GOLM2: variants seen among roughly 807,000 people sequenced by gnomAD.
GOLM2 encodes protein GOLM2.
A neutral mutation model predicts 55.9 loss-of-function variants in GOLM2; 26 were observed. The ratio of observed to expected loss-of-function variants is 0.47; its 90% CI spans 0.34 to 0.65. GOLM2 has a LOEUF of 0.65. Ranked by LOEUF, GOLM2 falls within the 30% of genes least tolerant of loss-of-function variation. The pLI is 0.01. For missense variants in GOLM2, 486 were observed against 531.8 expected (o/e 0.91, Z 0.85); for synonymous variants, 165 against 194.6 (o/e 0.85, Z 1.27).
intron 2 of GOLM2, among the ~76,000 whole-genome samples, chr15:44,327,998 A>G (rs761177876): frequency 2.0e-4 from 31 of 152,224 alleles, no homozygotes; most frequent in Non-Finnish European, 3.8e-4. Flanking sequence ...AAAATGAGAA[A>G]GAAAACTTAA....
chr15:44,378,476 G>A (rs1226414033), intron 6 of GOLM2, among the ~76,000 whole-genome samples: 1 of 150,834 alleles, frequency 6.6e-6, no homozygotes, highest in Non-Finnish European at 1.5e-5. Context: ...TTCTGTCTCA[G>A]CCTCCTAAGT....
chr15:44,380,340 G>C (rs1277995698), intron 7 of GOLM2, among the ~76,000 whole-genome samples: 1 of 152,134 alleles, frequency 6.6e-6, no homozygotes, highest in African/African-American at 2.4e-5. Flanking sequence ...GGTGGGGAAA[G>C]AGAGGTGGTA....
At chr15:44,373,767 A>C (rs2079346035) in intron 6 of GOLM2, among the ~76,000 whole-genome samples, 1 of 152,088 alleles carries the variant, frequency 6.6e-6, no homozygotes, top group South Asian at 2.1e-4. Flanking sequence ...AAAACAAAAC[A>C]AAACAAAAAA....
chr15:44,316,747 T>G (rs1226563153), intron 1 of GOLM2, among the ~76,000 whole-genome samples: 1 of 145,546 alleles, frequency 6.9e-6, no homozygotes, highest in Non-Finnish European at 1.5e-5. Context: ...AGAGTGAGAC[T>G]CTGTCTCAAA....
chr15:44,341,851 C>T (rs1006228733), intron 6 of GOLM2, among the ~76,000 whole-genome samples: 9 of 151,966 alleles, frequency 5.9e-5, no homozygotes, highest in East Asian at 1.9e-4. Flanking sequence ...CCCACCACCA[C>T]GCCCGGCTAA....
chr15:44,331,397 A>T (rs1365935946), intron 3 of GOLM2, among the ~76,000 whole-genome samples: 1 of 152,178 alleles, frequency 6.6e-6, no homozygotes, highest in African/African-American at 2.4e-5. Flanking sequence ...TTCTTTTTGC[A>T]TGATTGGTGT....
chr15:44,373,469 GT>G (rs1462224095), intron 6 of GOLM2, among the ~76,000 whole-genome samples: 1 of 132,734 alleles, frequency 7.5e-6, no homozygotes, highest in Non-Finnish European at 1.6e-5. Flanking sequence ...AAAAAAAACA[GT>G]TTTGGCAGGG....
chr15:44,383,016 T>A (rs931714543), intron 8 of GOLM2, among the ~76,000 whole-genome samples: 1 of 151,294 alleles, frequency 6.6e-6, no homozygotes, highest in African/African-American at 2.4e-5. Flanking sequence ...AGAGTTGAAA[T>A]CAATGCATGC....
At chr15:44,351,537 G>A (rs1289088877) in intron 6 of GOLM2, among the ~76,000 whole-genome samples, 13 of 134,196 alleles carry the variant, frequency 9.7e-5, no homozygotes, top group Admixed American at 1.7e-4. Context: ...AGATTGCGCC[G>A]CTACACTCCA....
chr15:44,357,292 TA>T (rs559719807), intron 6 of GOLM2, among the ~76,000 whole-genome samples: 10 of 149,086 alleles, frequency 6.7e-5, no homozygotes, highest in Non-Finnish European at 7.4e-5. Context: ...ATTAGCAGGC[TA>T]AAAAAAAAAT....
intron 6 of GOLM2, among the ~76,000 whole-genome samples, chr15:44,352,497 C>T (rs1364070414): frequency 6.6e-6 from 1 of 152,088 alleles, no homozygotes; most frequent in Non-Finnish European, 1.5e-5. Flanking sequence ...CTCCCTGGGA[C>T]ATCAGACTGG....
intron 6 of GOLM2, among the ~76,000 whole-genome samples, chr15:44,373,339 C>G (rs1355473172): frequency 6.7e-6 from 1 of 149,332 alleles, no homozygotes; most frequent in East Asian, 2.0e-4. Context: ...CGCCTGTAGT[C>G]CCAGCTACTC....
At chr15:44,329,949 C>T (rs1283511996) in intron 3 of GOLM2, among the ~76,000 whole-genome samples, 2 of 143,100 alleles carry the variant, frequency 1.4e-5, no homozygotes, top group African/African-American at 5.2e-5. Flanking sequence ...CTCGCTCTGT[C>T]GCCCAGGCTG....
intron 7 of GOLM2, 63 bp downstream of exon 7, chr15:44,379,851 A>G: frequency 1.1e-6 from 1 of 930,934 alleles, no homozygotes; most frequent in East Asian, 2.4e-5. Flanking sequence ...ACAGTTATAT[A>G]GTGTATAAAA....
At chr15:44,378,518 C>T (rs559051978) in intron 6 of GOLM2, among the ~76,000 whole-genome samples, 2 of 151,332 alleles carry the variant, frequency 1.3e-5, no homozygotes, top group South Asian at 2.1e-4. Context: ...CCACCATGCC[C>T]GGCTAATTTT....
intron 1 of GOLM2, among the ~76,000 whole-genome samples, chr15:44,309,171 C>T (rs539747761): frequency 1.3e-5 from 2 of 152,238 alleles, no homozygotes; most frequent in Non-Finnish European, 2.9e-5. Context: ...GAAAGGGGAA[C>T]CCTTGAACAT....
At chr15:44,306,713 T>A (rs1484267776) in intron 1 of GOLM2, among the ~76,000 whole-genome samples, 1 of 152,208 alleles carries the variant, frequency 6.6e-6, no homozygotes, top group Non-Finnish European at 1.5e-5. Flanking sequence ...CTTGAACACT[T>A]AGAGGTCATT....
intron 4 of GOLM2, among the ~76,000 whole-genome samples, chr15:44,333,415 T>TAGTAGGATATAG (rs1462260010): frequency 6.6e-6 from 1 of 152,210 alleles, no homozygotes; most frequent in Non-Finnish European, 1.5e-5. Flanking sequence ...CACAATTTTA[T>TAGTAGGATATAG]AGTAGGATAT....
chr15:44,314,588 CTG>C (rs2141123301), intron 1 of GOLM2, among the ~76,000 whole-genome samples: 1 of 151,292 alleles, frequency 6.6e-6, no homozygotes, highest in South Asian at 2.1e-4. Flanking sequence ...TAACTGATAA[CTG>C]GATATAAATT....
Sources: allele counts gnomAD v4.1 joint callset (sites outside exome capture counted in the v4.1 genomes callset), GRCh38; gene constraint gnomAD v4.1.1; transcripts MANE v1.5; gene names NCBI Gene and HGNC (gene_info 2026-07-23, HGNC 2026-07-21).